The following NUDT16 variants were observed in gnomAD, a reference collection of about 807,000 sequenced individuals.
NUDT16 encodes nudix hydrolase 16.
In NUDT16, 12 loss-of-function variants were observed where a neutral mutation model predicts 11.7. The observed-to-expected ratio is 1.03, with a 90% CI of 0.66 to 1.67. NUDT16 has a LOEUF of 1.67. NUDT16 is among the 40% of genes most tolerant of loss of function. NUDT16 has a pLI of 0.00. For synonymous variants in NUDT16, 129 were observed against 122.6 expected, an observed-to-expected ratio of 1.05 and a Z score of -0.35; for missense variants, 303 against 268.9, an observed-to-expected ratio of 1.13 and a Z score of -0.89.
rs1408666635 is a variant in NUDT16, at chr3:131,381,787, G to C, written c.-18G>C. 6.5e-7 allele frequency: 1 copy of C among 1,540,512 alleles called. No individual in the cohort carries two copies. The highest frequency in any genetic ancestry group is 8.7e-7 in the Non-Finnish European group (1 of 1,149,656). The stretch of plus-strand genomic sequence containing the variant: ...TGCCCATTGGGCCTTCGGGACAGCA[G>C]AGGAGCAGTGTCCGGCCATGGCCGG... On this transcript the variant is annotated 5_prime_UTR_variant, in exon 1 of 3. Coordinates refer to ENST00000521288, the MANE Select transcript of NUDT16 (RefSeq NM_152395.3).
rs1481480392 is a variant in NUDT16, at chr3:131,385,674, G to A, written c.*2333G>A. 2 of 152,276 alleles carry A rather than the reference G, an allele frequency of 1.3e-5. No individual in the cohort carries two copies. The highest frequency in any genetic ancestry group is 4.8e-5 in the African/African-American group (2 of 41,452). The allele number at this position is 152,276 out of a possible 1,614,324, so 9.4% of individuals were successfully genotyped here. On this transcript the variant is annotated 3_prime_UTR_variant, in exon 3 of 3. Transcript: ENST00000521288. ...TGTACAATGAGGTAGACTCCTAGAG[G>A]TTAATTATCATCTCCTAATCTTACC...
At chr3:131,382,971 T>C (rs1559771710) in intron 2 of NUDT16, 191 bp from the exon 3 acceptor site, 21 of 640,758 alleles carry the variant, frequency 3.3e-5, no homozygotes, top group Non-Finnish European at 5.0e-5. Context: ...GATTAATTGA[T>C]AGAGCTAGAT....
Position 131,381,941 on chromosome 3 carries a change from T to G in NUDT16, c.137T>G (p.Leu46Arg). The G allele has an allele frequency of 6.2e-7, 1 of 1,609,394 alleles. No homozygotes were observed. Among genetic ancestry groups the G allele is most frequent in the Admixed American group, 1.7e-5 (1 of 59,548 alleles). The change falls in exon 1 of 3, where the codon CTG (leucine) becomes CGG (arginine). Residue 46 changes from leucine (L) to arginine (R), a missense_variant and splice_region_variant. Physicochemically the swap from Leu to Arg is moderately radical, Grantham distance 102 (BLOSUM62 -2). Coordinates refer to ENST00000521288, the MANE Select transcript of NUDT16 (RefSeq NM_152395.3). ...CGCATCCCGCTGCGCTACGCCATAC[T>G]GGTGAGAAGGGGGCGCGCCCGGCCA... is the stretch of plus-strand genomic sequence containing the variant. ...FGRIPLRYAI[L>R]MQMRFDGRLG...
Position 131,383,204 on chromosome 3 carries a change from G to A in NUDT16, c.451G>A (p.Gly151Ser). The change falls in exon 3 of 3, where the codon GGT becomes AGT. Residue 151 changes from glycine (G) to serine (S), a missense_variant. Coordinates refer to ENST00000521288, the MANE Select transcript of NUDT16 (RefSeq NM_152395.3). This position sits in a 1 kb window ranked among gnomAD's most constrained non-coding sequence, Gnocchi z 4.4. ...AGTGCCCCTGTATACCCTGCGGGAT[G>A]GTGTAGGAGGCCTGCCTACCTTCCT... The part of the protein sequence containing the change: ...VRVPLYTLRD[G>S]VGGLPTFLEN... 6.2e-7 allele frequency: 1 copy of A among 1,613,680 alleles called. No individual in the cohort carries two copies. Among genetic ancestry groups the A allele is most frequent in the Non-Finnish European group, 8.5e-7 (1 of 1,180,018 alleles).
Position 131,383,589 on chromosome 3 carries a change from A to G in NUDT16, c.*248A>G. 2 of 705,048 alleles carry G rather than the reference A, an allele frequency of 2.8e-6. No individual in the cohort carries two copies. Among genetic ancestry groups the G allele is most frequent in the South Asian group, 3.8e-5 (2 of 52,804 alleles). 43.7% of individuals were successfully genotyped at this position (705,048 alleles called of 1,614,324 possible). The stretch of plus-strand genomic sequence containing the variant: ...CAGAGCCTGCCTCCTCCCTGTTTAT[A>G]TGCGTACAGCCTGGTAACCCCCAGG... On this transcript the variant is annotated 3_prime_UTR_variant, in exon 3 of 3. Transcript: ENST00000521288. This position sits in a 1 kb window ranked among gnomAD's most constrained non-coding sequence, Gnocchi z 4.4.
intron 2 of NUDT16, chr3:131,382,885 G>A (rs2097456952): frequency 1.6e-6 from 1 of 610,130 alleles, no homozygotes; most frequent in Non-Finnish European, 2.7e-6. Flanking sequence ...ACCACATTTT[G>A]ACAACCACTG....
At chr3:131,382,930 C>T (rs1331217888) in intron 2 of NUDT16, 12 of 605,280 alleles carry the variant, frequency 2.0e-5, no homozygotes, top group Non-Finnish European at 3.4e-5. Flanking sequence ...GAGGCAGTAG[C>T]CACTAGAGGT....
Position 131,387,528 on chromosome 3 carries a change from A to G in NUDT16, c.*4187A>G, listed in dbSNP as rs1342000680. ...CAAAGTGCTGCTCATCCTGATGCAC[A>G]GATGCAGATTGGAGCTGCTGCCTGT... is the stretch of plus-strand genomic sequence containing the variant. On this transcript the variant is annotated 3_prime_UTR_variant, in exon 3 of 3. Coordinates refer to ENST00000521288, the MANE Select transcript of NUDT16 (RefSeq NM_152395.3). 1.3e-5 allele frequency: 2 copies of G among 152,430 alleles called. No homozygotes were observed. The highest frequency in any genetic ancestry group is 4.8e-5 in the African/African-American group (2 of 41,594). The allele number at this position is 152,430 out of a possible 1,614,324, so 9.4% of individuals were successfully genotyped here. A position where few individuals can be genotyped will look rare whatever the true frequency, so the allele number is the denominator to read the frequency against.
In NUDT16 at chr3:131,381,914, G is replaced by A. The variant is rs2097455477; in HGVS notation, c.110G>A (p.Gly37Asp). 2 of 1,611,630 alleles carry A rather than the reference G, an allele frequency of 1.2e-6. No individual in the cohort carries two copies. Among genetic ancestry groups the A allele is most frequent in the African/African-American group, 1.3e-5 (1 of 75,026 alleles). ...LYAPDPGMLFGRIPLRYAILM... is the reference protein window; with the variant it reads ...LYAPDPGMLFDRIPLRYAILM... ...GCGCCGGACCCTGGGATGCTCTTCG[G>A]CCGCATCCCGCTGCGCTACGCCATA... Residue 37 changes from glycine (G) to aspartate (D), a missense_variant, in exon 1 of 3, where the codon GGC becomes GAC. Coordinates refer to ENST00000521288, the MANE Select transcript of NUDT16 (RefSeq NM_152395.3).
rs2110659341 is a variant in NUDT16, at chr3:131,383,062, G to A, written c.409-100G>A. On this transcript the variant is annotated intron_variant, in intron 2 of 2. Coordinates refer to ENST00000521288, the MANE Select transcript of NUDT16 (RefSeq NM_152395.3). The surrounding 1 kb of genome is among the most constrained non-coding windows in gnomAD (Gnocchi z 4.4). ...TGTGAGCCTTGGGCCTGGTTCTGCT[G>A]GAGTATTAAGGGGTGAGGCCTGATC... 7.6e-7 allele frequency: 1 copy of A among 1,311,140 alleles called. No individual in the cohort carries two copies. Among genetic ancestry groups the A allele is most frequent in the Non-Finnish European group, 1.1e-6 (1 of 946,228 alleles). 81.2% of individuals were successfully genotyped at this position (1,311,140 alleles called of 1,614,324 possible).
At position 131,385,685 on chromosome 3, in the gene NUDT16, TCTC is replaced by T. The variant is rs2097459509; in HGVS notation, c.*2347_*2349del. The T allele has an allele frequency of 6.6e-6, 1 of 152,186 alleles. No individual in the cohort carries two copies. Among genetic ancestry groups the T allele is most frequent in the Admixed American group, 6.5e-5 (1 of 15,282 alleles). The allele number at this position is 152,186 out of a possible 1,614,324, so 9.4% of individuals were successfully genotyped here. On this transcript the variant is annotated 3_prime_UTR_variant, in exon 3 of 3. Transcript: ENST00000521288. ...GTAGACTCCTAGAGGTTAATTATCA[TCTC>T]CTAATCTTACCCTGACCCTTTTGTC...
chr3:131,385,172 C>A lies in NUDT16; in HGVS notation c.*1831C>A, dbSNP rs12631539. The A allele has an allele frequency of 0.091, 13,788 of 152,226 alleles. 1,108 individuals carry two copies. Among genetic ancestry groups the A allele is most frequent in the East Asian group, 0.23 (1,202 of 5,158 alleles). 9.4% of individuals were successfully genotyped at this position (152,226 alleles called of 1,614,324 possible). On this transcript the variant is annotated 3_prime_UTR_variant, in exon 3 of 3. Transcript: ENST00000521288. ...AGGGAGGGATTAGGAAATTAGAGGTCTTGACAAGATAGAAACTCCAGCATG... is the reference window on the plus strand; with the variant it reads ...AGGGAGGGATTAGGAAATTAGAGGTATTGACAAGATAGAAACTCCAGCATG...
chr3:131,381,991 C>T, intron 1 of NUDT16, 49 bp downstream of exon 1: 1 of 1,591,620 alleles, frequency 6.3e-7, no homozygotes, highest in Non-Finnish European at 8.6e-7. Flanking sequence ...CCCGCACCCT[C>T]TCTGGTGGTC....
rs769055734 is a variant in NUDT16, at chr3:131,381,812, G to C, written c.8G>C (p.Gly3Ala). Residue 3 changes from glycine (G) to alanine (A), a missense_variant, in exon 1 of 3, where the codon GGA (glycine) becomes GCA (alanine). Coordinates refer to ENST00000521288, the MANE Select transcript of NUDT16 (RefSeq NM_152395.3). MA[G>A]ARRLELGEAL... ...GAGGAGCAGTGTCCGGCCATGGCCGGAGCCCGCAGGCTGGAGCTAGGCGAG... is the reference window on the plus strand; with the variant it reads ...GAGGAGCAGTGTCCGGCCATGGCCGCAGCCCGCAGGCTGGAGCTAGGCGAG... 4.5e-6 allele frequency: 7 copies of C among 1,559,936 alleles called. No homozygotes were observed. In the South Asian group the frequency reaches 6.9e-5, roughly 15 times the overall value.
In NUDT16 at chr3:131,383,452, C is replaced by G. The variant is rs1238846867; in HGVS notation, c.*111C>G. ...TGGATCTGAGAGATGATACATGATA[C>G]CAGATGAAAAGAAGGAGAAGTGTGT... On this transcript the variant is annotated 3_prime_UTR_variant, in exon 3 of 3. Coordinates refer to ENST00000521288, the MANE Select transcript of NUDT16 (RefSeq NM_152395.3). The surrounding 1 kb of genome is among the most constrained non-coding windows in gnomAD (Gnocchi z 4.4). 6.5e-7 allele frequency: 1 copy of G among 1,546,802 alleles called. No homozygotes were observed. Among genetic ancestry groups the G allele is most frequent in the Non-Finnish European group, 8.7e-7 (1 of 1,150,050 alleles).
At position 131,383,315 on chromosome 3, in the gene NUDT16, G is replaced by A; in HGVS notation, c.562G>A (p.Gly188Ser). Residue 188 changes from glycine (G) to serine (S), a missense_variant, in exon 3 of 3, where the codon GGC becomes AGC. Transcript: ENST00000521288. The surrounding 1 kb of genome is among the most constrained non-coding windows in gnomAD (Gnocchi z 4.4). ...LGLLQSGSIS[G>S]LKIPAHH ...ACTGCTGCAGTCTGGCTCTATTTCA[G>A]GCCTTAAGATTCCAGCTCATCACTA... The A allele has an allele frequency of 6.2e-7, 1 of 1,614,136 alleles. No individual in the cohort carries two copies. The highest frequency in any genetic ancestry group is 8.5e-7 in the Non-Finnish European group (1 of 1,180,024).
At chr3:131,382,511 C>G (rs1166957360) in intron 2 of NUDT16, 196 bp downstream of exon 2, 1 of 1,536,018 alleles carries the variant, frequency 6.5e-7, no homozygotes, top group Non-Finnish European at 8.7e-7. Context: ...CTGTAAAGGT[C>G]TTTCCCACCC....
chr3:131,381,880 C>G lies in NUDT16; in HGVS notation c.76C>G (p.Leu26Val). 1.9e-6 allele frequency: 3 copies of G among 1,608,798 alleles called. No individual in the cohort carries two copies. Among genetic ancestry groups the G allele is most frequent in the Non-Finnish European group, 1.7e-6 (2 of 1,179,580 alleles). Reference sequence around the variant, plus strand: ...GGGCTGGCGTCATGCGTGCCACGCTCTCCTCTACGCGCCGGACCCTGGGAT... The same window carrying G: ...GGGCTGGCGTCATGCGTGCCACGCTGTCCTCTACGCGCCGGACCCTGGGAT... ...GSGWRHACHALLYAPDPGMLF... is the reference protein window; with the variant it reads ...GSGWRHACHAVLYAPDPGMLF... The change falls in exon 1 of 3, where the codon CTC becomes GTC. Residue 26 changes from leucine (L) to valine (V), a missense_variant. Physicochemically the swap from Leu to Val is conservative, Grantham distance 32. Transcript: ENST00000521288.
Position 131,384,515 on chromosome 3 carries a change from A to G in NUDT16, c.*1174A>G, listed in dbSNP as rs1436566419. The G allele has an allele frequency of 1.3e-5, 2 of 152,240 alleles. No homozygotes were observed. Among genetic ancestry groups the G allele is most frequent in the Non-Finnish European group, 2.9e-5 (2 of 68,080 alleles). The allele number at this position is 152,240 out of a possible 1,614,324, so 9.4% of individuals were successfully genotyped here. A position where few individuals can be genotyped will look rare whatever the true frequency, so the allele number is the denominator to read the frequency against. ...TTAAGATGGGAGGTAGAGCATGCCA[A>G]TATTGATGGCAACAGTCAAGATGGT... On this transcript the variant is annotated 3_prime_UTR_variant, in exon 3 of 3. Transcript: ENST00000521288.
Sources: allele counts gnomAD v4.1 joint callset, GRCh38; gene constraint gnomAD v4.1.1; non-coding constraint Gnocchi (gnomAD v3.1); transcripts MANE v1.5; gene names NCBI Gene and HGNC (gene_info 2026-07-23, HGNC 2026-07-21).